Variants in PPP4R3B observed in about 807,000 individuals in gnomAD.
The protein encoded by PPP4R3B is protein phosphatase 4 regulatory subunit 3B.
A neutral mutation model predicts 95.4 loss-of-function variants in PPP4R3B; 52 were observed. The ratio of observed to expected loss-of-function variants is 0.54; its 90% CI spans 0.44 to 0.69. The LOEUF is 0.69. Among genes scored for constraint, PPP4R3B ranks in the 30% least tolerant of loss-of-function variants. PPP4R3B has a pLI of 0.00. For synonymous variants in PPP4R3B, 407 were observed against 343.9 expected, an observed-to-expected ratio of 1.18 and a Z score of -2.03; for missense variants, 1,003 against 1,005.9, an observed-to-expected ratio of 1.00 and a Z score of 0.04.
At chr2:55,557,906 T>C (rs1225851589) in intron 16 of PPP4R3B, among the ~76,000 whole-genome samples, 1 of 152,312 alleles carries the variant, frequency 6.6e-6, no homozygotes, top group East Asian at 1.9e-4. Flanking sequence ...GGGAAATACA[T>C]TTGTTATAAG....
At chr2:55,609,587 G>A (rs1693879838) in intron 2 of PPP4R3B, among the ~76,000 whole-genome samples, 1 of 151,142 alleles carries the variant, frequency 6.6e-6, no homozygotes, top group Non-Finnish European at 1.5e-5. Context: ...GTGGGAGCCT[G>A]AGCGCAGGAA....
chr2:55,550,040 A>G, intron 16 of PPP4R3B, 34 bp from the exon 17 acceptor site: 2 of 1,450,246 alleles, frequency 1.4e-6, no homozygotes, highest in Admixed American at 2.0e-5. Context: ...TTCTTTAAAC[A>G]TATATAACAA....
intron 2 of PPP4R3B, among the ~76,000 whole-genome samples, chr2:55,613,194 A>G (rs1036219922): frequency 1.3e-5 from 2 of 152,198 alleles, no homozygotes; most frequent in African/African-American, 4.8e-5. Flanking sequence ...TAAGTTTAAC[A>G]TAACCCCTAA....
chr2:55,588,565 T>C (rs1048915341), intron 5 of PPP4R3B, among the ~76,000 whole-genome samples: 1 of 151,628 alleles, frequency 6.6e-6, no homozygotes, highest in Admixed American at 6.6e-5. Context: ...TGCGAATGTC[T>C]GCAACCATAA....
chr2:55,549,949 C>G lies in PPP4R3B; in HGVS notation c.2512G>C (p.Glu838Gln), dbSNP rs757913068. 6 of 1,611,850 alleles carry G rather than the reference C, an allele frequency of 3.7e-6. No homozygotes were observed. In the East Asian group the frequency reaches 1.3e-4, roughly 36 times the overall value. The part of the protein sequence containing the change: ...PDDEEEDEEE[E>Q]SSPRKRPRLG... ...CGAGGTCTTTTCCTGGGGGACGATTCTTCTTCTTCATCTTCCTCTTCATCA... is the reference window on the plus strand; with the variant it reads ...CGAGGTCTTTTCCTGGGGGACGATTGTTCTTCTTCATCTTCCTCTTCATCA... Residue 838 changes from glutamate (E) to glutamine (Q), a missense_variant, in exon 17 of 17, where the codon GAA becomes CAA. This residue lies in a region of PPP4R3B where 229 missense variants were observed against 194.7 expected (regional missense o/e 1.18). Coordinates refer to ENST00000616407, the MANE Select transcript of PPP4R3B (RefSeq NM_001122964.3).
intron 12 of PPP4R3B, among the ~76,000 whole-genome samples, chr2:55,569,198 C>T (rs1281917409): frequency 6.6e-6 from 1 of 152,162 alleles, no homozygotes; most frequent in African/African-American, 2.4e-5. Context: ...CAGAGGGCTC[C>T]TTGGTCTAGC....
In PPP4R3B at chr2:55,549,650, A is replaced by C; in HGVS notation, c.*261T>G. Reference sequence around the variant, plus strand: ...CCAAACCTGTGACTTTTCCTTGCTGAGAAGCTGTCTCCCAGGTTCTGGTTA... The same window carrying C: ...CCAAACCTGTGACTTTTCCTTGCTGCGAAGCTGTCTCCCAGGTTCTGGTTA... On this transcript the variant is annotated 3_prime_UTR_variant, in exon 17 of 17. Coordinates refer to ENST00000616407, the MANE Select transcript of PPP4R3B (RefSeq NM_001122964.3). 1 of 408,538 alleles carries C rather than the reference A, an allele frequency of 2.4e-6. No homozygotes were observed. The highest frequency in any genetic ancestry group is 3.2e-5 in the South Asian group (1 of 31,440). The allele number at this position is 408,538 out of a possible 1,614,324, so 25.3% of individuals were successfully genotyped here.
At position 55,579,758 on chromosome 2, in the gene PPP4R3B, T is replaced by C. The variant is rs61762671; in HGVS notation, c.1389A>G (p.Leu463=). ...GCATACAATGGTTGTAGAAAAAATT[T>C]AGAAATTCACTTTTTTCGGTTTTCT... ...TTNKTEKSEF[L]NFFYNHCMHV... is the part of the protein sequence containing the mutation. The change falls in exon 9 of 17, where the codon CTA becomes CTG. Residue 463 remains leucine (L), a synonymous_variant. Transcript: ENST00000616407. 6.2e-5 allele frequency: 100 copies of C among 1,606,710 alleles called. No individual in the cohort carries two copies. The African/African-American group carries it at 1.2e-3, about 20-fold the overall frequency.
chr2:55,558,837 C>T lies in PPP4R3B; in HGVS notation c.2392G>A (p.Ala798Thr). 1 of 1,613,548 alleles carries T rather than the reference C, an allele frequency of 6.2e-7. No homozygotes were observed. The highest frequency in any genetic ancestry group is 8.5e-7 in the Non-Finnish European group (1 of 1,179,678). The change falls in exon 16 of 17, where the codon GCA becomes ACA. Residue 798 changes from alanine to threonine, a missense_variant. By Grantham distance (58) the Ala-to-Thr change is moderately conservative. Transcript: ENST00000616407. ...TTGGAAGAGGATCCATTAGAAGTTG[C>T]TGGTGGTATCTGAGCCACTACAGAT... The part of the protein sequence containing the change: ...SKSVVAQIPP[A>T]TSNGSSSKTT...
chr2:55,549,844 G>A lies in PPP4R3B; in HGVS notation c.*67C>T, dbSNP rs533075484. Reference sequence around the variant, plus strand: ...TCAATTGAGAAAGCTTTCTGATTCAGATTTTCAGCTCACTGAACAGTTGCA... The same window carrying A: ...TCAATTGAGAAAGCTTTCTGATTCAAATTTTCAGCTCACTGAACAGTTGCA... On this transcript the variant is annotated 3_prime_UTR_variant, in exon 17 of 17. Transcript: ENST00000616407. The A allele has an allele frequency of 2.5e-6, 3 of 1,205,444 alleles. No homozygotes were observed. Among genetic ancestry groups the A allele is most frequent in the Admixed American group, 3.5e-5 (2 of 57,628 alleles). The allele number at this position is 1,205,444 out of a possible 1,614,324, so 74.7% of individuals were successfully genotyped here. A position where few individuals can be genotyped will look rare whatever the true frequency, so the allele number is the denominator to read the frequency against.
chr2:55,553,601 TC>T (rs1685498824), intron 16 of PPP4R3B, among the ~76,000 whole-genome samples: 1 of 151,816 alleles, frequency 6.6e-6, no homozygotes, highest in African/African-American at 2.4e-5. Flanking sequence ...CAGTCCTCAT[TC>T]CCCCACCACC....
At chr2:55,574,216 T>C (rs561420584) in intron 11 of PPP4R3B, among the ~76,000 whole-genome samples, 20 of 151,744 alleles carry the variant, frequency 1.3e-4, no homozygotes, top group African/African-American at 4.8e-4. Context: ...TTCATATCCA[T>C]TTAAAAGGCT....
intron 16 of PPP4R3B, among the ~76,000 whole-genome samples, chr2:55,553,551 C>T (rs1054198196): frequency 6.6e-5 from 10 of 152,150 alleles, no homozygotes; most frequent in African/African-American, 2.4e-4. Context: ...AATTCCAGAA[C>T]ATTTCCACCA....
Position 55,617,535 on chromosome 2 carries a change from C to T in PPP4R3B, c.-250G>A. The T allele has an allele frequency of 7.6e-6, 3 of 392,850 alleles. No individual in the cohort carries two copies. Among genetic ancestry groups the T allele is most frequent in the East Asian group, 4.0e-5 (1 of 24,782 alleles). The allele number at this position is 392,850 out of a possible 1,614,324, so 24.3% of individuals were successfully genotyped here. ...ATACACCCACTCTCCCGTCTCTTTG[C>T]CCCCCAGGGCTCGCTTGCTCTCCCG... On this transcript the variant is annotated 5_prime_UTR_variant, in exon 1 of 17. Transcript: ENST00000616407.
chr2:55,590,104 G>A (rs967328685), intron 4 of PPP4R3B, among the ~76,000 whole-genome samples: 1 of 150,554 alleles, frequency 6.6e-6, no homozygotes, highest in African/African-American at 2.4e-5. Context: ...GAGGCGGGGG[G>A]ATCACCTGAG....
intron 16 of PPP4R3B, among the ~76,000 whole-genome samples, chr2:55,555,028 C>T (rs1255980733): frequency 2.0e-5 from 3 of 152,080 alleles, no homozygotes; most frequent in Admixed American, 2.0e-4. Flanking sequence ...CGCCTGTAAT[C>T]CCAACACTTT....
intron 4 of PPP4R3B, among the ~76,000 whole-genome samples, chr2:55,593,546 C>G (rs879478123): frequency 6.6e-6 from 1 of 152,014 alleles, no homozygotes; most frequent in Non-Finnish European, 1.5e-5. Context: ...CTAGAAACAC[C>G]TACTACCTAA....
At chr2:55,593,489 G>T (rs996370954) in intron 4 of PPP4R3B, among the ~76,000 whole-genome samples, 1 of 152,100 alleles carries the variant, frequency 6.6e-6, no homozygotes, top group Non-Finnish European at 1.5e-5. Context: ...AAGTTAATGC[G>T]CATTTAAGAA....
intron 2 of PPP4R3B, among the ~76,000 whole-genome samples, chr2:55,611,116 C>T (rs754305308): frequency 3.9e-5 from 6 of 152,100 alleles, no homozygotes; most frequent in Non-Finnish European, 8.8e-5. Context: ...CCTGCCTCAG[C>T]CTCCCAAAGT....
Sources: allele counts gnomAD v4.1 joint callset (sites outside exome capture counted in the v4.1 genomes callset), GRCh38; gene constraint gnomAD v4.1.1; regional missense constraint gnomAD v4.1.1; transcripts MANE v1.5; gene names NCBI Gene and HGNC (gene_info 2026-07-23, HGNC 2026-07-21).